Variants in RNF24 observed in about 807,000 individuals in gnomAD.
RNF24 encodes ring finger protein 24.
In RNF24, 14 loss-of-function variants were observed where a neutral mutation model predicts 20.0. The observed-to-expected ratio is 0.70, with a 90% CI of 0.46 to 1.10. The LOEUF (loss-of-function observed/expected upper bound fraction) is 1.10, where lower values mean the gene tolerates loss of function less well. Ranked by LOEUF, RNF24 falls within the 50% of genes least tolerant of loss-of-function variation. The probability of loss-of-function intolerance (pLI) is 0.00; values close to 1 mark genes in which losing one functional copy is unlikely to be tolerated. For missense variants in RNF24, 124 were observed against 177.6 expected (o/e 0.70, Z 1.71); for synonymous variants, 45 against 61.1 (o/e 0.74, Z 1.23).
At chr20:3,991,203 G>C (rs547173986) in intron 1 of RNF24, among the ~76,000 whole-genome samples, 1 of 151,066 alleles carries the variant, frequency 6.6e-6, no homozygotes, top group African/African-American at 2.4e-5. Context: ...ATTGTAAATG[G>C]AATTGGAAGA....
intron 1 of RNF24, among the ~76,000 whole-genome samples, chr20:3,966,562 T>C (rs908786860): frequency 1.3e-5 from 2 of 148,720 alleles, no homozygotes; most frequent in African/African-American, 4.9e-5. Flanking sequence ...AAGGAAGCCT[T>C]GACAAAAATC....
intron 1 of RNF24, among the ~76,000 whole-genome samples, chr20:3,979,600 A>G (rs1372567807): frequency 6.6e-6 from 1 of 152,192 alleles, no homozygotes; most frequent in South Asian, 2.1e-4. Context: ...CCTTGAACCC[A>G]GGAAGCAGAG....
intron 1 of RNF24, among the ~76,000 whole-genome samples, chr20:3,993,034 T>C (rs992645455): frequency 2.6e-5 from 4 of 152,198 alleles, no homozygotes; most frequent in African/African-American, 9.6e-5. Context: ...TAAAAAGAGT[T>C]AGCCTGATGT....
chr20:3,962,366 T>TAATAAC (rs1316558302), intron 2 of RNF24, among the ~76,000 whole-genome samples: 1 of 152,010 alleles, frequency 6.6e-6, no homozygotes, highest in East Asian at 1.9e-4. Flanking sequence ...ATAATAATAA[T>TAATAAC]AATAACAATA....
chr20:3,995,702 G>A lies in RNF24; in HGVS notation c.-8+19735C>T, dbSNP rs148464306. ...CCCCTTTGTTTACTAGGATCACCTC[G>A]TTCTTTTAAGAAAGATATGTGAAGA... On this transcript the variant is annotated intron_variant, in intron 1 of 5. Coordinates refer to ENST00000358395, the MANE Select transcript of RNF24 (RefSeq NM_001134337.3). Among the ~76,000 whole-genome samples the A allele has an allele frequency of 8.5e-5, 13 of 152,178 alleles. No individual in the cohort carries two copies. The East Asian group carries it at 1.3e-3, about 16-fold the overall frequency.
At chr20:3,988,457 C>CTT (rs71195876) in intron 1 of RNF24, among the ~76,000 whole-genome samples, 9 of 99,640 alleles carry the variant, frequency 9.0e-5, no homozygotes, top group South Asian at 3.4e-4. Flanking sequence ...AAAAGAAACT[C>CTT]TTTTTTTTTT....
At chr20:3,977,638 G>A (rs1226818085) in intron 1 of RNF24, among the ~76,000 whole-genome samples, 1 of 152,140 alleles carries the variant, frequency 6.6e-6, no homozygotes, top group African/African-American at 2.4e-5. Context: ...GGCCGAGGCG[G>A]GCGGATCACG....
At chr20:3,977,790 A>AG (rs1236136005) in intron 1 of RNF24, among the ~76,000 whole-genome samples, 1 of 150,326 alleles carries the variant, frequency 6.7e-6, no homozygotes, top group Admixed American at 6.6e-5. Context: ...GCATGAACCC[A>AG]GAGGCAGAGC....
At chr20:3,959,834 C>A (rs1243825897) in intron 2 of RNF24, among the ~76,000 whole-genome samples, 3 of 152,208 alleles carry the variant, frequency 2.0e-5, no homozygotes, top group African/African-American at 7.2e-5. Flanking sequence ...TTCATTCATT[C>A]ACCCAGCAAA....
chr20:3,994,073 C>T (rs1445750676), intron 1 of RNF24, among the ~76,000 whole-genome samples: 1 of 152,152 alleles, frequency 6.6e-6, no homozygotes, highest in Admixed American at 6.5e-5. Context: ...TTAGTCTCCT[C>T]CAATCTGTGA....
chr20:3,949,111 G>T (rs914196514), intron 2 of RNF24, among the ~76,000 whole-genome samples: 6 of 152,256 alleles, frequency 3.9e-5, no homozygotes, highest in African/African-American at 1.4e-4. Context: ...TGGGCACCGT[G>T]GCTCACGCCT....
At chr20:4,002,963 TTC>T (rs1981535474) in intron 1 of RNF24, among the ~76,000 whole-genome samples, 1 of 152,098 alleles carries the variant, frequency 6.6e-6, no homozygotes, top group African/African-American at 2.4e-5. Flanking sequence ...CTTTGAATTT[TTC>T]TTTTTCTTTT....
chr20:3,964,743 C>T (rs144140908), intron 1 of RNF24, among the ~76,000 whole-genome samples: 21 of 152,242 alleles, frequency 1.4e-4, no homozygotes, highest in African/African-American at 4.6e-4. Flanking sequence ...GTCTTGAACT[C>T]GTGGGCTCAA....
intron 4 of RNF24, among the ~76,000 whole-genome samples, chr20:3,944,174 C>T (rs2090989861): frequency 6.9e-6 from 1 of 145,244 alleles, no homozygotes; most frequent in Non-Finnish European, 1.5e-5. Context: ...TGCACCATTG[C>T]ACTCCAGCCT....
Position 3,929,341 on chromosome 20 carries a change from G to A in RNF24, c.*4722C>T, listed in dbSNP as rs559669336. 6.6e-6 allele frequency: 1 copy of A among 152,340 alleles called. No homozygotes were observed. Among genetic ancestry groups the A allele is most frequent in the African/African-American group, 2.4e-5 (1 of 41,450 alleles). The allele number at this position is 152,340 out of a possible 1,614,324, so 9.4% of individuals were successfully genotyped here. A position where few individuals can be genotyped will look rare whatever the true frequency, so the allele number is the denominator to read the frequency against. On this transcript the variant is annotated 3_prime_UTR_variant, in exon 6 of 6. Transcript: ENST00000358395. ...TTGAGTCCAGGAAGTTGAGGCTGCA[G>A]TGAGCTACAATGGTGCCACTGCACT...
chr20:3,975,234 C>A (rs1012583935), intron 1 of RNF24, among the ~76,000 whole-genome samples: 3 of 152,186 alleles, frequency 2.0e-5, no homozygotes, highest in Admixed American at 1.3e-4. Context: ...TTGATCTTAA[C>A]CTCACACACA....
chr20:3,981,943 C>A (rs1339491859), intron 1 of RNF24, among the ~76,000 whole-genome samples: 2 of 151,696 alleles, frequency 1.3e-5, no homozygotes, highest in African/African-American at 2.4e-5. Context: ...ACAGGTAAAA[C>A]CCCGTCTCTA....
At chr20:3,956,917 T>C (rs2091148778) in intron 2 of RNF24, among the ~76,000 whole-genome samples, 1 of 152,138 alleles carries the variant, frequency 6.6e-6, no homozygotes, top group Non-Finnish European at 1.5e-5. Flanking sequence ...TCCCAGCACT[T>C]TGGGAGGCTG....
intron 1 of RNF24, among the ~76,000 whole-genome samples, chr20:3,989,378 G>A (rs925786265): frequency 1.3e-5 from 2 of 151,458 alleles, no homozygotes; most frequent in Non-Finnish European, 2.9e-5. Context: ...GTAGTCCCAG[G>A]TACTCGGGAG....
Sources: allele counts gnomAD v4.1 joint callset (sites outside exome capture counted in the v4.1 genomes callset), GRCh38; gene constraint gnomAD v4.1.1; transcripts MANE v1.5; gene names NCBI Gene and HGNC (gene_info 2026-07-23, HGNC 2026-07-21).